The following KCND2 variants were observed in gnomAD, a reference collection of about 807,000 sequenced individuals.
The protein encoded by KCND2 is potassium voltage-gated channel subfamily D member 2.
KCND2 carries 16 observed loss-of-function variants against 54.4 expected under a neutral mutation model. That is an observed-to-expected ratio of 0.29 (90% CI 0.20 to 0.45). KCND2 has a LOEUF of 0.45. Among genes scored for constraint, KCND2 ranks in the 20% least tolerant of loss-of-function variants. KCND2 has a pLI of 1.00. For synonymous variants in KCND2, 317 were observed against 310.7 expected, an observed-to-expected ratio of 1.02 and a Z score of -0.21; for missense variants, 486 against 824.2, an observed-to-expected ratio of 0.59 and a Z score of 5.02.
At chr7:120,662,627 T>G (rs1458588208) in intron 1 of KCND2, among the ~76,000 whole-genome samples, 1 of 150,758 alleles carries the variant, frequency 6.6e-6, no homozygotes, top group Non-Finnish European at 1.5e-5. Context: ...TTATTCTTTG[T>G]TTTTTTGGTT....
intron 1 of KCND2, among the ~76,000 whole-genome samples, chr7:120,295,117 C>T (rs1175316686): frequency 1.3e-5 from 2 of 151,722 alleles, no homozygotes; most frequent in East Asian, 1.9e-4. Flanking sequence ...AGTAAGAATT[C>T]GTATTGATGC....
At chr7:120,694,587 G>T (rs1792310774) in intron 1 of KCND2, among the ~76,000 whole-genome samples, 1 of 151,984 alleles carries the variant, frequency 6.6e-6, no homozygotes, top group Non-Finnish European at 1.5e-5. Context: ...ATGTTGTACT[G>T]CCTCCAATTA....
chr7:120,519,144 G>A (rs964373925), intron 1 of KCND2, among the ~76,000 whole-genome samples: 3 of 151,910 alleles, frequency 2.0e-5, no homozygotes, highest in Non-Finnish European at 2.9e-5. Flanking sequence ...ACTAGTCAAC[G>A]TGGTGAAAAC....
chr7:120,385,735 A>ATTTAATTCTAG lies in KCND2; in HGVS notation c.1115+109990_1115+109991insTAATTCTAGTT, dbSNP rs538921035. Among the ~76,000 whole-genome samples the ATTTAATTCTAG allele has an allele frequency of 5.6e-3, 853 of 152,282 alleles. 4 individuals carry two copies. Among genetic ancestry groups the ATTTAATTCTAG allele is most frequent in the African/African-American group, 0.019 (785 of 41,572 alleles). The stretch of plus-strand genomic sequence containing the variant: ...CTATGAATGTCTAGTTCAAGACAAC[A>ATTTAATTCTAG]TTAAAGGTTTTGAGGAAAGAAAAAT... On this transcript the variant is annotated intron_variant, in intron 1 of 5. Transcript: ENST00000331113.
intron 1 of KCND2, among the ~76,000 whole-genome samples, chr7:120,592,950 C>T (rs1792689508): frequency 6.6e-6 from 1 of 152,138 alleles, no homozygotes; most frequent in African/African-American, 2.4e-5. Flanking sequence ...AAACACTCTT[C>T]ATGCTCATAT....
intron 1 of KCND2, among the ~76,000 whole-genome samples, chr7:120,604,577 T>C (rs1303672290): frequency 6.6e-6 from 1 of 150,598 alleles, no homozygotes; most frequent in Non-Finnish European, 1.5e-5. Flanking sequence ...TAAGGTAGTG[T>C]CTTTTCTTTA....
At chr7:120,662,764 G>T (rs1791882063) in intron 1 of KCND2, among the ~76,000 whole-genome samples, 1 of 152,176 alleles carries the variant, frequency 6.6e-6, no homozygotes, top group South Asian at 2.1e-4. Context: ...CGAAGAAAAA[G>T]ATTTAAAGCT....
chr7:120,480,688 C>A (rs111654357), intron 1 of KCND2, among the ~76,000 whole-genome samples: 63 of 152,234 alleles, frequency 4.1e-4, no homozygotes, highest in African/African-American at 1.5e-3. Flanking sequence ...TGTTTTCCAC[C>A]ATGGGATGAC....
chr7:120,612,068 AG>A (rs1347594704), intron 1 of KCND2, among the ~76,000 whole-genome samples: 1 of 152,232 alleles, frequency 6.6e-6, no homozygotes, highest in Admixed American at 6.5e-5. Context: ...TCCACCTCAT[AG>A]AACATTTAAC....
chr7:120,510,736 G>A (rs1357900711), intron 1 of KCND2, among the ~76,000 whole-genome samples: 3 of 151,982 alleles, frequency 2.0e-5, no homozygotes, highest in Non-Finnish European at 4.4e-5. Flanking sequence ...AAGGGTTTAA[G>A]ATGTCAGGCA....
chr7:120,276,695 C>G (rs1162684299), intron 1 of KCND2, among the ~76,000 whole-genome samples: 1 of 151,874 alleles, frequency 6.6e-6, no homozygotes, highest in Non-Finnish European at 1.5e-5. Flanking sequence ...TTTTAATATA[C>G]TTTTAGGGCT....
intron 1 of KCND2, among the ~76,000 whole-genome samples, chr7:120,639,745 C>T (rs1185341055): frequency 6.6e-6 from 1 of 152,068 alleles, no homozygotes; most frequent in Non-Finnish European, 1.5e-5. Flanking sequence ...TCTGCCTTGT[C>T]GTGTTACGTG....
intron 1 of KCND2, among the ~76,000 whole-genome samples, chr7:120,454,699 T>C (rs1802168634): frequency 6.6e-6 from 1 of 151,902 alleles, no homozygotes; most frequent in Admixed American, 6.6e-5. Context: ...TAACTCATTC[T>C]AGGAATAAAA....
chr7:120,695,622 G>A (rs927162568), intron 1 of KCND2, among the ~76,000 whole-genome samples: 8 of 152,142 alleles, frequency 5.3e-5, no homozygotes, highest in Non-Finnish European at 1.0e-4. Context: ...GGAAGAAATA[G>A]CAAATGCATA....
intron 1 of KCND2, among the ~76,000 whole-genome samples, chr7:120,726,360 T>G (rs1380863082): frequency 6.6e-6 from 1 of 152,172 alleles, no homozygotes; most frequent in African/African-American, 2.4e-5. Context: ...TTTGCAAACA[T>G]TACAGCTACT....
chr7:120,715,185 A>G (rs1187052118), intron 1 of KCND2, among the ~76,000 whole-genome samples: 2 of 151,948 alleles, frequency 1.3e-5, no homozygotes, highest in Non-Finnish European at 2.9e-5. Flanking sequence ...GATTTGGCAC[A>G]GTTTTTACAG....
chr7:120,278,515 C>T (rs1031958403), intron 1 of KCND2, among the ~76,000 whole-genome samples: 4 of 150,704 alleles, frequency 2.7e-5, no homozygotes, highest in South Asian at 2.1e-4. Context: ...AGTTCCATCT[C>T]GTATGAACGT....
At chr7:120,529,248 T>A (rs2116361027) in intron 1 of KCND2, among the ~76,000 whole-genome samples, 1 of 152,262 alleles carries the variant, frequency 6.6e-6, no homozygotes, top group East Asian at 1.9e-4. Context: ...GAATTGAAGT[T>A]TGTGCTTAAA....
intron 1 of KCND2, among the ~76,000 whole-genome samples, chr7:120,312,142 G>A (rs1477722461): frequency 2.0e-5 from 3 of 152,070 alleles, no homozygotes; most frequent in Non-Finnish European, 4.4e-5. Context: ...CCTGACCTCA[G>A]ATGATCTGCC....
Sources: allele counts gnomAD v4.1 joint callset (sites outside exome capture counted in the v4.1 genomes callset), GRCh38; gene constraint gnomAD v4.1.1; transcripts MANE v1.5; gene names NCBI Gene and HGNC (gene_info 2026-07-23, HGNC 2026-07-21).